Variants in TCF4 observed in about 807,000 individuals in gnomAD.
The protein encoded by TCF4 is transcription factor 4.
Under a neutral mutation model 82.1 loss-of-function variants are expected in TCF4, and 3 were observed. The ratio of observed to expected loss-of-function variants is 0.04; its 90% CI spans 0.02 to 0.09. The LOEUF (loss-of-function observed/expected upper bound fraction) is 0.09. Among genes scored for constraint, TCF4 ranks in the 10% least tolerant of loss-of-function variants. The pLI is 1.00. For missense variants in TCF4, 518 were observed against 852.7 expected, an observed-to-expected ratio of 0.61 and a Z score of 4.89; for synonymous variants, 276 against 309.6, an observed-to-expected ratio of 0.89 and a Z score of 1.14.
At chr18:55,554,881 T>C (rs991475042) in intron 3 of TCF4, among the ~76,000 whole-genome samples, 1 of 152,202 alleles carries the variant, frequency 6.6e-6, no homozygotes, top group Admixed American at 6.5e-5. Context: ...TATAAAACAT[T>C]AATAGAACAA....
chr18:55,618,292 T>C (rs969109583), intron 2 of TCF4, among the ~76,000 whole-genome samples: 1 of 152,212 alleles, frequency 6.6e-6, no homozygotes, highest in Non-Finnish European at 1.5e-5. Context: ...GAGCCATCCT[T>C]GCATCCCAGG....
chr18:55,351,143 AC>A, intron 6 of TCF4, 140 bp from the exon 7 acceptor site: 1 of 1,078,018 alleles, frequency 9.3e-7, no homozygotes, highest in Non-Finnish European at 1.3e-6. Flanking sequence ...CAAAACAAAA[AC>A]CCAAAAGAAA....
At chr18:55,357,425 T>C (rs766864820) in intron 6 of TCF4, among the ~76,000 whole-genome samples, 5 of 152,210 alleles carry the variant, frequency 3.3e-5, no homozygotes, top group Non-Finnish European at 5.9e-5. Context: ...ATTCACTATG[T>C]AGTGAGTTGA....
chr18:55,448,397 A>T (rs187557920), intron 5 of TCF4, among the ~76,000 whole-genome samples: 30 of 152,332 alleles, frequency 2.0e-4, no homozygotes, highest in African/African-American at 7.2e-4. Flanking sequence ...AATGTATACT[A>T]CTTTACACAT....
intron 3 of TCF4, among the ~76,000 whole-genome samples, chr18:55,481,668 C>T (rs1414654600): frequency 3.9e-5 from 6 of 152,328 alleles, no homozygotes; most frequent in Admixed American, 2.0e-4. Context: ...TAATTTTCTA[C>T]TCGGCTTCAT....
At chr18:55,252,259 C>T (rs2055426738) in intron 15 of TCF4, among the ~76,000 whole-genome samples, 1 of 152,016 alleles carries the variant, frequency 6.6e-6, no homozygotes, top group South Asian at 2.1e-4. Context: ...ACGCTATGAT[C>T]TGCTTGGCTC....
intron 10 of TCF4, among the ~76,000 whole-genome samples, chr18:55,271,155 T>C (rs1170208446): frequency 2.0e-5 from 3 of 152,104 alleles, no homozygotes; most frequent in African/African-American, 7.2e-5. Flanking sequence ...ATTCTACCTC[T>C]TTCTTGAAGA....
At chr18:55,345,942 C>T (rs766775034) in intron 8 of TCF4, among the ~76,000 whole-genome samples, 2 of 152,110 alleles carry the variant, frequency 1.3e-5, no homozygotes, top group Non-Finnish European at 2.9e-5. Context: ...TTAAATCATA[C>T]ATAATTTCCA....
chr18:55,432,171 C>T (rs974856938), intron 5 of TCF4, among the ~76,000 whole-genome samples: 2 of 152,082 alleles, frequency 1.3e-5, no homozygotes, highest in African/African-American at 4.8e-5. Flanking sequence ...GGCCTGGTGG[C>T]ACACGCCTGT....
Position 55,322,675 on chromosome 18 carries a change from G to A in TCF4, c.549+27684C>T, listed in dbSNP as rs555745040. Among the ~76,000 whole-genome samples, 5 of 152,354 alleles carry A rather than the reference G, an allele frequency of 3.3e-5. No individual in the cohort carries two copies. In the South Asian group the frequency reaches 1.0e-3, roughly 32 times the overall value. The stretch of plus-strand genomic sequence containing the variant: ...CGCATGGGCCCAGAGCCTACGGAGG[G>A]GCTGGGGCGCTGCTCCCCTCGCTGG... On this transcript the variant is annotated intron_variant, in intron 8 of 19. Transcript: ENST00000354452.
At chr18:55,418,617 T>C (rs2094606155) in intron 5 of TCF4, among the ~76,000 whole-genome samples, 1 of 152,164 alleles carries the variant, frequency 6.6e-6, no homozygotes, top group African/African-American at 2.4e-5. Flanking sequence ...ATTTATACTT[T>C]CATTCTGAAT....
At chr18:55,568,112 T>C (rs2097425823) in intron 3 of TCF4, among the ~76,000 whole-genome samples, 1 of 150,712 alleles carries the variant, frequency 6.6e-6, no homozygotes, top group African/African-American at 2.4e-5. Flanking sequence ...TAAATTCTTA[T>C]ATTATAAAAA....
intron 15 of TCF4, among the ~76,000 whole-genome samples, chr18:55,242,659 G>T (rs75373793): frequency 0.017 from 2,550 of 151,530 alleles, 81 homozygotes; most frequent in African/African-American, 0.059. Flanking sequence ...GCCCAGAAAG[G>T]AGTGCAGTGG....
chr18:55,272,078 G>C (rs915029603), intron 10 of TCF4, among the ~76,000 whole-genome samples: 10 of 151,972 alleles, frequency 6.6e-5, no homozygotes, highest in African/African-American at 2.4e-4. Flanking sequence ...GAGAATCTTT[G>C]GGCCCTTTTA....
intron 15 of TCF4, among the ~76,000 whole-genome samples, chr18:55,240,167 T>C (rs1599756261): frequency 6.6e-6 from 1 of 152,364 alleles, no homozygotes; most frequent in East Asian, 1.9e-4. Context: ...TAAAGTTTGC[T>C]ATTAATGGCA....
chr18:55,470,166 T>C (rs924240809), intron 3 of TCF4, among the ~76,000 whole-genome samples: 9 of 152,194 alleles, frequency 5.9e-5, no homozygotes, highest in African/African-American at 2.2e-4. Flanking sequence ...AGTAAATGAA[T>C]TAACTAACAT....
chr18:55,350,784 T>A (rs1603285115), intron 7 of TCF4, 90 bp downstream of exon 7: 1 of 1,520,858 alleles, frequency 6.6e-7, no homozygotes. Context: ...GGGTGGGAGG[T>A]AGGATGGGGG....
At chr18:55,350,650 A>G (rs1213521545) in intron 7 of TCF4, among the ~76,000 whole-genome samples, 4 of 152,056 alleles carry the variant, frequency 2.6e-5, no homozygotes, top group Non-Finnish European at 4.4e-5. Context: ...TGCAGCTAAG[A>G]GAAAACTAGA....
intron 5 of TCF4, among the ~76,000 whole-genome samples, chr18:55,409,126 T>C (rs1312181687): frequency 1.3e-5 from 2 of 152,152 alleles, no homozygotes; most frequent in African/African-American, 4.8e-5. Flanking sequence ...GTGAAGACTA[T>C]GTCTTTGTAT....
Sources: gnomAD v4.1 joint callset for allele counts (sites outside exome capture counted in the v4.1 genomes callset) on GRCh38, gnomAD v4.1.1 for gene constraint, MANE v1.5 for transcripts, NCBI Gene and HGNC (gene_info 2026-07-23, HGNC 2026-07-21) for gene names.